The following CTNNA2 variants were observed in gnomAD, a reference collection of about 807,000 sequenced individuals.
The protein encoded by CTNNA2 is catenin alpha 2.
A neutral mutation model predicts 101.0 loss-of-function variants in CTNNA2; 42 were observed. The observed-to-expected ratio is 0.42, with a 90% CI of 0.32 to 0.54. The LOEUF is 0.54. Ranked by LOEUF, CTNNA2 falls within the 20% of genes least tolerant of loss-of-function variation. The probability of loss-of-function intolerance (pLI) is 0.14; values close to 1 mark genes in which losing one functional copy is unlikely to be tolerated. For missense variants in CTNNA2, 871 were observed against 1,223.1 expected, an observed-to-expected ratio of 0.71 and a Z score of 4.29; for synonymous variants, 450 against 456.4, an observed-to-expected ratio of 0.99 and a Z score of 0.18.
intron 2 of CTNNA2, among the ~76,000 whole-genome samples, chr2:79,696,396 C>T (rs1558847627): frequency 6.6e-6 from 1 of 152,008 alleles, no homozygotes; most frequent in African/African-American, 2.4e-5. Flanking sequence ...CTGGGAACTG[C>T]AACAGCCAGA....
At chr2:79,387,038 C>T (rs1387994626) in intron 4 of CTNNA2, among the ~76,000 whole-genome samples, 1 of 152,122 alleles carries the variant, frequency 6.6e-6, no homozygotes, top group South Asian at 2.1e-4. Flanking sequence ...ATCACAGCCA[C>T]CCTTATAAGT....
intron 2 of CTNNA2, among the ~76,000 whole-genome samples, chr2:79,669,535 TG>T (rs1682677280): frequency 6.6e-6 from 1 of 151,688 alleles, no homozygotes; most frequent in Non-Finnish European, 1.5e-5. Context: ...CTCAGAGGAG[TG>T]GGCAGCTCCG....
chr2:80,411,552 G>T (rs142981121), intron 8 of CTNNA2, among the ~76,000 whole-genome samples: 15 of 152,066 alleles, frequency 9.9e-5, no homozygotes, highest in African/African-American at 3.1e-4. Context: ...TACTTTACTC[G>T]TTCAGGAATC....
chr2:80,578,138 T>A (rs1408897419), intron 13 of CTNNA2, among the ~76,000 whole-genome samples: 1 of 152,172 alleles, frequency 6.6e-6, no homozygotes, highest in Non-Finnish European at 1.5e-5. Flanking sequence ...GCCCCTGTAA[T>A]GGGCACAAGT....
At chr2:80,028,004 A>G (rs1364832135) in intron 7 of CTNNA2, 2 of 148,986 alleles carry the variant, frequency 1.3e-5, no homozygotes, top group Non-Finnish European at 3.0e-5. Flanking sequence ...AAAAAAAAGT[A>G]AAAGAAATAA....
At chr2:79,769,388 A>G (rs921361670) in intron 3 of CTNNA2, among the ~76,000 whole-genome samples, 13 of 152,092 alleles carry the variant, frequency 8.5e-5, no homozygotes, top group Non-Finnish European at 1.9e-4. Context: ...AAGCTGGATG[A>G]CTCTGCAGGC....
rs540651303 is a variant in CTNNA2 at position 79,595,940 on chromosome 2, G to A, written c.-5-55612G>A. Among the ~76,000 whole-genome samples the A allele has an allele frequency of 2.7e-4, 40 of 149,808 alleles. No homozygotes were observed. In the South Asian group the frequency reaches 5.8e-3, roughly 22 times the overall value. On this transcript the variant is annotated intron_variant, in intron 1 of 18. Coordinates refer to ENST00000402739, the MANE Select transcript of CTNNA2 (RefSeq NM_001282597.3). The stretch of plus-strand genomic sequence containing the variant: ...TTCTTGTCAGAATCCCTCTGTGAGC[G>A]TATGACACAGATCCATTCCGCCATG...
At chr2:80,513,580 A>G (rs1259984522) in intron 9 of CTNNA2, among the ~76,000 whole-genome samples, 1 of 152,222 alleles carries the variant, frequency 6.6e-6, no homozygotes, top group East Asian at 1.9e-4. Flanking sequence ...AAATTAGGTT[A>G]TGCTGCAGTA....
rs144900549 is a variant in CTNNA2, at chr2:80,134,616, C to T, written c.1056+224819C>T. Among the ~76,000 whole-genome samples, 169 of 152,242 alleles carry T rather than the reference C, an allele frequency of 1.1e-3. 1 individual carries two copies. Among genetic ancestry groups the T allele is most frequent in the African/African-American group, 3.6e-3 (151 of 41,532 alleles). ...AGGCACACTGATGACTGGGTGCCTG[C>T]GCCATGCCATTCATGAGGCCAGCTT... On this transcript the variant is annotated intron_variant, in intron 7 of 18. Transcript: ENST00000402739.
rs1172309572 is a variant in CTNNA2, at chr2:80,556,035, TTC to T, written c.1741+146_1741+147del. 1.6e-5 allele frequency: 8 copies of T among 508,376 alleles called. 1 individual carries two copies. Among genetic ancestry groups the T allele is most frequent in the Non-Finnish European group, 2.6e-5 (8 of 305,134 alleles). The allele number at this position is 508,376 out of a possible 1,614,324, so 31.5% of individuals were successfully genotyped here. On this transcript the variant is annotated intron_variant, in intron 12 of 18. Transcript: ENST00000402739. The stretch of plus-strand genomic sequence containing the variant: ...GTGGAATGGGTGGAATACTTGAGTG[TTC>T]TCTTTGTTTTTTGAGTTTGAATTTG...
intron 4 of CTNNA2, among the ~76,000 whole-genome samples, chr2:79,444,003 T>G (rs1678804704): frequency 6.6e-6 from 1 of 151,726 alleles, no homozygotes; most frequent in Admixed American, 6.6e-5. Context: ...CAATAAATTT[T>G]GAATGGCAAC....
upstream of CTNNA2, among the ~76,000 whole-genome samples, chr2:79,511,791 GA>G (rs1218511514): frequency 1.3e-5 from 2 of 151,910 alleles, no homozygotes; most frequent in African/African-American, 4.8e-5. Flanking sequence ...AGGGGGGAGG[GA>G]AAAATATCAA....
chr2:79,869,148 T>A (rs1241762508), intron 4 of CTNNA2, among the ~76,000 whole-genome samples: 1 of 152,184 alleles, frequency 6.6e-6, no homozygotes, highest in Non-Finnish European at 1.5e-5. Context: ...ACTGAGACAG[T>A]TTGCAGCGAT....
chr2:79,776,756 T>A (rs995948244), intron 3 of CTNNA2, among the ~76,000 whole-genome samples: 1 of 152,196 alleles, frequency 6.6e-6, no homozygotes, highest in Non-Finnish European at 1.5e-5. Context: ...AGAAAATACA[T>A]TTCCTAATTA....
At chr2:79,402,279 T>C (rs1239941204) in intron 4 of CTNNA2, among the ~76,000 whole-genome samples, 1 of 151,674 alleles carries the variant, frequency 6.6e-6, no homozygotes, top group East Asian at 1.9e-4. Context: ...TGTGGAAAAG[T>C]TGAACAACAT....
chr2:80,357,216 C>T (rs1244850194), intron 7 of CTNNA2, among the ~76,000 whole-genome samples: 6 of 150,630 alleles, frequency 4.0e-5, no homozygotes, highest in African/African-American at 1.5e-4. Flanking sequence ...TGCCAGGAGG[C>T]ATTCAAAATA....
chr2:79,887,627 G>A (rs971747880), intron 6 of CTNNA2, among the ~76,000 whole-genome samples: 2 of 152,056 alleles, frequency 1.3e-5, no homozygotes, highest in African/African-American at 4.8e-5. Flanking sequence ...TAATCTGTTT[G>A]TGCTTAATTG....
chr2:79,470,865 A>G (rs2104546680), intron 4 of CTNNA2, among the ~76,000 whole-genome samples: 1 of 152,312 alleles, frequency 6.6e-6, no homozygotes, highest in African/African-American at 2.4e-5. Context: ...CGTTCCTGCA[A>G]AATCTTACAT....
intron 17 of CTNNA2, among the ~76,000 whole-genome samples, chr2:80,612,461 T>A (rs552831927): frequency 3.6e-4 from 54 of 151,718 alleles, no homozygotes; most frequent in Non-Finnish European, 8.9e-5. Flanking sequence ...GATTTGATAT[T>A]TACTCTTATA....
Sources: gnomAD v4.1 joint callset for allele counts (sites outside exome capture counted in the v4.1 genomes callset) on GRCh38, gnomAD v4.1.1 for gene constraint, MANE v1.5 for transcripts, NCBI Gene and HGNC (gene_info 2026-07-23, HGNC 2026-07-21) for gene names.